PFKP: variants seen among roughly 807,000 people sequenced by gnomAD.
The protein encoded by PFKP is phosphofructokinase, platelet, also known as ATP-dependent 6-phosphofructokinase, platelet type.
Under a neutral mutation model 94.3 loss-of-function variants are expected in PFKP, and 101 were observed. That is an observed-to-expected ratio of 1.07 (90% CI 0.91 to 1.26). The LOEUF (loss-of-function observed/expected upper bound fraction) is 1.26. Among genes scored for constraint, PFKP ranks in the 50% most tolerant of loss-of-function variants. The pLI is 0.00. For synonymous variants in PFKP, 573 were observed against 432.6 expected, an observed-to-expected ratio of 1.32 and a Z score of -4.03; for missense variants, 1,145 against 1,103.3, an observed-to-expected ratio of 1.04 and a Z score of -0.53.
At chr10:3,122,598 T>TC (rs1837539099) in intron 16 of PFKP, among the ~76,000 whole-genome samples, 1 of 151,984 alleles carries the variant, frequency 6.6e-6, no homozygotes. Flanking sequence ...TGGCTCCGGG[T>TC]CCCCCCGGCC....
At position 3,079,543 on chromosome 10, in the gene PFKP, GC is replaced by G. The variant is rs930875270; in HGVS notation, c.113-2844del. Reference sequence around the variant, plus strand: ...GCCACCGTGCCCAGCCTCATGTCCAGCTTTTAAGAATTTTATTCCTTCTTCT... The same window carrying G: ...GCCACCGTGCCCAGCCTCATGTCCAGTTTTAAGAATTTTATTCCTTCTTCT... On this transcript the variant is annotated intron_variant, in intron 1 of 21. Coordinates refer to ENST00000381125, the MANE Select transcript of PFKP (RefSeq NM_002627.5). Among the ~76,000 whole-genome samples the G allele has an allele frequency of 8.4e-4, 127 of 151,790 alleles. 2 individuals are homozygous for G. Among genetic ancestry groups the G allele is most frequent in the African/African-American group, 3.0e-3 (125 of 41,406 alleles).
At chr10:3,101,088 T>G in intron 3 of PFKP, 1 of 1,103,146 alleles carries the variant, frequency 9.1e-7, no homozygotes, top group Non-Finnish European at 1.4e-6. Flanking sequence ...GCAGGCTGGT[T>G]CCTGCTCCAT....
chr10:3,079,359 C>G (rs531898943), intron 1 of PFKP, among the ~76,000 whole-genome samples: 7 of 151,890 alleles, frequency 4.6e-5, no homozygotes, highest in Admixed American at 3.9e-4. Flanking sequence ...CTCAGCCTCC[C>G]GAGTAGCTGG....
At chr10:3,102,880 G>A (rs181338693) in intron 4 of PFKP, among the ~76,000 whole-genome samples, 379 of 152,336 alleles carry the variant, frequency 2.5e-3, no homozygotes, top group African/African-American at 8.0e-3. Context: ...CAGGCCTCAC[G>A]GTTCCCGCTT....
At chr10:3,125,746 T>TG (rs1242833624) in intron 16 of PFKP, among the ~76,000 whole-genome samples, 1 of 152,232 alleles carries the variant, frequency 6.6e-6, no homozygotes, top group African/African-American at 2.4e-5. Flanking sequence ...ACATGTGCCT[T>TG]GGGAGGGGTG....
At chr10:3,135,932 G>A (rs1839231708) in intron 21 of PFKP, 94 bp downstream of exon 21, 2 of 765,756 alleles carry the variant, frequency 2.6e-6, no homozygotes, top group Non-Finnish European at 4.5e-6. Flanking sequence ...ACTCATTCAG[G>A]GGTTTGAGGA....
At position 3,072,577 on chromosome 10, in the gene PFKP, G is replaced by A. The variant is rs560803336; in HGVS notation, c.112+4870G>A. On this transcript the variant is annotated intron_variant, in intron 1 of 21. Coordinates refer to ENST00000381125, the MANE Select transcript of PFKP (RefSeq NM_002627.5). ...CACCATGTGGCACAGTGGGAGATTTGTGTAATGGCATCATTTTCTGTGAAT... is the reference window on the plus strand; with the variant it reads ...CACCATGTGGCACAGTGGGAGATTTATGTAATGGCATCATTTTCTGTGAAT... Among the ~76,000 whole-genome samples the A allele has an allele frequency of 4.6e-4, 69 of 150,074 alleles. 1 individual carries two copies. Among genetic ancestry groups the A allele is most frequent in the African/African-American group, 1.7e-3 (69 of 40,814 alleles).
At chr10:3,132,030 A>G (rs1381669680) in intron 17 of PFKP, among the ~76,000 whole-genome samples, 1 of 152,144 alleles carries the variant, frequency 6.6e-6, no homozygotes, top group Non-Finnish European at 1.5e-5. Context: ...CTTTCCTCTG[A>G]GAGCACCGAG....
Position 3,109,377 on chromosome 10 carries a change from C to T in PFKP, c.986C>T (p.Ala329Val), listed in dbSNP as rs1249721717. 4 of 1,610,366 alleles carry T rather than the reference C, an allele frequency of 2.5e-6. No homozygotes were observed. Among genetic ancestry groups the T allele is most frequent in the Non-Finnish European group, 3.4e-6 (4 of 1,180,010 alleles). The change falls in exon 10 of 22, where the codon GCA becomes GTA. Residue 329 changes from alanine to valine, a missense_variant. Coordinates refer to ENST00000381125, the MANE Select transcript of PFKP (RefSeq NM_002627.5). The stretch of plus-strand genomic sequence containing the variant: ...CAGGCCAGCCGCATGGGAGTGGAGG[C>T]AGTCATCGCCTTGCTAGAGGCCACC... ...RILASRMGVE[A>V]VIALLEATPD...
At chr10:3,092,154 G>A (rs999933328) in intron 2 of PFKP, among the ~76,000 whole-genome samples, 6 of 152,130 alleles carry the variant, frequency 3.9e-5, no homozygotes, top group African/African-American at 7.2e-5. Context: ...CATGGCCCCC[G>A]GTCAGCAGCC....
rs557836796 is a variant in PFKP, at chr10:3,088,787, GTCT to G, written c.186+6332_186+6334del. ...TGTGGGCATAGAGTTCAGAAATATA[GTCT>G]TCTTCCCTTTTATCCTTGCTTTTCC... On this transcript the variant is annotated intron_variant, in intron 2 of 21. Coordinates refer to ENST00000381125, the MANE Select transcript of PFKP (RefSeq NM_002627.5). Among the ~76,000 whole-genome samples the G allele has an allele frequency of 2.1e-4, 31 of 150,736 alleles. No homozygotes were observed. The South Asian group carries it at 5.3e-3, about 26-fold the overall frequency.
At chr10:3,108,131 G>A (rs1847733607) in intron 8 of PFKP, 18 of 755,720 alleles carry the variant, frequency 2.4e-5, no homozygotes, top group Non-Finnish European at 3.0e-5. Flanking sequence ...CCGCTTAACT[G>A]TAATTAAATT....
chr10:3,079,687 G>T (rs1267307728), intron 1 of PFKP, among the ~76,000 whole-genome samples: 1 of 143,932 alleles, frequency 6.9e-6, no homozygotes, highest in Admixed American at 7.0e-5. Context: ...GAGGAGCAGG[G>T]GTGAGGGGCC....
At chr10:3,132,507 C>A in intron 18 of PFKP, 66 bp downstream of exon 18, 2 of 1,159,280 alleles carry the variant, frequency 1.7e-6, no homozygotes, top group South Asian at 1.2e-5. Flanking sequence ...AGATTCTAGT[C>A]TGTGACTTGG....
intron 1 of PFKP, among the ~76,000 whole-genome samples, chr10:3,074,832 C>G (rs1051617918): frequency 2.6e-5 from 4 of 152,190 alleles, no homozygotes; most frequent in Non-Finnish European, 5.9e-5. Flanking sequence ...GAGACCAGCT[C>G]AGTCGGGGAG....
chr10:3,129,680 C>T lies in PFKP; in HGVS notation c.1684-139C>T, dbSNP rs1838332312. ...GGGCACATCCTGGCTGCTGCACACCCTTCACCTCTGCGGGATGCTGGGACC... is the reference window on the plus strand; with the variant it reads ...GGGCACATCCTGGCTGCTGCACACCTTTCACCTCTGCGGGATGCTGGGACC... On this transcript the variant is annotated intron_variant, in intron 16 of 21. Coordinates refer to ENST00000381125, the MANE Select transcript of PFKP (RefSeq NM_002627.5). 3 of 892,140 alleles carry T rather than the reference C, an allele frequency of 3.4e-6. No individual in the cohort carries two copies. The Admixed American group carries it at 6.1e-5, about 18-fold the overall frequency. 55.3% of individuals were successfully genotyped at this position (892,140 alleles called of 1,614,324 possible). A position where few individuals can be genotyped will look rare whatever the true frequency, so the allele number is the denominator to read the frequency against.
At chr10:3,097,583 G>A (rs1334145558) in intron 2 of PFKP, among the ~76,000 whole-genome samples, 1 of 152,194 alleles carries the variant, frequency 6.6e-6, no homozygotes, top group African/African-American at 2.4e-5. Context: ...GGGCCTGGGT[G>A]CCTGGGGGGT....
chr10:3,075,704 G>A (rs1247583277), intron 1 of PFKP, among the ~76,000 whole-genome samples: 1 of 148,738 alleles, frequency 6.7e-6, no homozygotes, highest in Non-Finnish European at 1.5e-5. Flanking sequence ...GGAGTTTGAG[G>A]CCAGCCTGGG....
At chr10:3,125,484 C>G (rs1346853780) in intron 16 of PFKP, among the ~76,000 whole-genome samples, 3 of 152,170 alleles carry the variant, frequency 2.0e-5, no homozygotes, top group Non-Finnish European at 4.4e-5. Context: ...GATCGTGTTT[C>G]TATCCCACCT....
Sources: gnomAD v4.1 joint callset for allele counts (sites outside exome capture counted in the v4.1 genomes callset) on GRCh38, gnomAD v4.1.1 for gene constraint, MANE v1.5 for transcripts, NCBI Gene and HGNC (gene_info 2026-07-23, HGNC 2026-07-21) for gene names.